CUBN: variants seen among roughly 807,000 people sequenced by gnomAD.
CUBN encodes the protein cubilin.
A neutral mutation model predicts 405.3 loss-of-function variants in CUBN; 282 were observed. The observed-to-expected ratio is 0.70, with a 90% CI of 0.63 to 0.77. The LOEUF (loss-of-function observed/expected upper bound fraction) is 0.77. Ranked by LOEUF, CUBN falls within the 30% of genes least tolerant of loss-of-function variation. The pLI is 0.00. For synonymous variants in CUBN, 1,684 were observed against 1,617.0 expected, an observed-to-expected ratio of 1.04 and a Z score of -0.99; for missense variants, 4,514 against 4,475.2, an observed-to-expected ratio of 1.01 and a Z score of -0.25.
At chr10:16,861,903 C>A (rs374384954) in intron 59 of CUBN, among the ~76,000 whole-genome samples, 16 of 152,092 alleles carry the variant, frequency 1.1e-4, no homozygotes, top group African/African-American at 3.9e-4. Context: ...GTAATCCCAG[C>A]ACTTTGGGAG....
At position 17,127,431 on chromosome 10, in the gene CUBN, ATTTT is replaced by A. The variant is rs71268608; in HGVS notation, c.348+394_348+397del. ...CAGGCTCATGCCACCATGCCCAGCTATTTTTTTTTTTTTTTTTTTTTTTGGTAGA... is the reference window on the plus strand; with the variant it reads ...CAGGCTCATGCCACCATGCCCAGCTATTTTTTTTTTTTTTTTTTTGGTAGA... On this transcript the variant is annotated intron_variant, in intron 3 of 66. Transcript: ENST00000377833. Among the ~76,000 whole-genome samples, 13 of 85,918 alleles carry A rather than the reference ATTTT, an allele frequency of 1.5e-4. No homozygotes were observed. The South Asian group carries it at 4.9e-3, about 32-fold the overall frequency. The allele number at this position is 85,918 out of a possible 152,430, so 56.4% of individuals were successfully genotyped here.
rs1262308808 is a variant in CUBN, at chr10:17,122,876, A to T, written c.512T>A (p.Val171Asp). 6.2e-7 allele frequency: 1 copy of T among 1,613,984 alleles called. No homozygotes were observed. Among genetic ancestry groups the T allele is most frequent in the African/African-American group, 1.3e-5 (1 of 75,032 alleles). Residue 171 changes from valine (V) to aspartate (D), a missense_variant, in exon 6 of 67, where the codon GTT becomes GAT. Val to Asp is a radical substitution (Grantham distance 152, BLOSUM62 -3). Around this residue, in one of 5 missense-constraint regions of CUBN, gnomAD observed 1,448 missense variants for 1,388.0 expected, o/e 1.04. Transcript: ENST00000377833. ...TCCTGAGTAAATCTCACATTCGTTA[A>T]CATCAGCTGAGCAGAGAGGACCCTG... Reference protein sequence around the residue: ...QWKGPLCSADVNECEIYSGTP... With the variant: ...QWKGPLCSADDNECEIYSGTP...
chr10:16,845,905 G>A (rs959521851), intron 60 of CUBN, among the ~76,000 whole-genome samples: 9 of 152,144 alleles, frequency 5.9e-5, no homozygotes, highest in African/African-American at 2.2e-4. Flanking sequence ...AAGTGTGGTG[G>A]TTTTTGGGTC....
intron 43 of CUBN, among the ~76,000 whole-genome samples, chr10:16,924,295 C>G (rs572475779): frequency 2.0e-5 from 3 of 152,224 alleles, no homozygotes; most frequent in Non-Finnish European, 4.4e-5. Context: ...GGCGCGGGTG[C>G]CCACAGAGCT....
intron 4 of CUBN, among the ~76,000 whole-genome samples, chr10:17,124,640 G>C (rs1367078675): frequency 1.3e-5 from 2 of 152,000 alleles, no homozygotes; most frequent in Admixed American, 6.6e-5. Flanking sequence ...GTGTTAGCCA[G>C]GATGGTCTCG....
rs1842591283 is a variant in CUBN at position 16,939,112 on chromosome 10, TC to T, written c.5583del (p.Val1863SerfsTer20). ...FGNDNIVGTHGKVASPFWPEN... is the reference protein window; with the variant it reads ...FGNDNIVGTHXKVASPFWPEN... ...TCAGGCCAGAAAGGAGAGGCGACTTTCCCATGAGTTCCCACAATATTATCAT... is the reference window on the plus strand; with the variant it reads ...TCAGGCCAGAAAGGAGAGGCGACTTTCCATGAGTTCCCACAATATTATCAT... On this transcript the variant is annotated frameshift_variant, in exon 38 of 67. Coordinates refer to ENST00000377833, the MANE Select transcript of CUBN (RefSeq NM_001081.4). LOFTEE classifies it high-confidence loss of function. The T allele has an allele frequency of 6.2e-7, 1 of 1,613,888 alleles. No individual in the cohort carries two copies. The highest frequency in any genetic ancestry group is 2.2e-5 in the East Asian group (1 of 44,860).
At chr10:16,982,795 C>T (rs1020796114) in intron 30 of CUBN, 142 bp from the exon 31 acceptor site, 5 of 755,808 alleles carry the variant, frequency 6.6e-6, no homozygotes, top group Non-Finnish European at 9.1e-6. Context: ...TTGATATCCA[C>T]ATTAAGCCAT....
chr10:17,089,421 G>T (rs368548502), intron 14 of CUBN, among the ~76,000 whole-genome samples: 66 of 152,186 alleles, frequency 4.3e-4, no homozygotes, highest in African/African-American at 1.6e-3. Context: ...AAAATATAAA[G>T]AACTTCTAAA....
chr10:16,937,340 G>A (rs1374638880), intron 39 of CUBN, among the ~76,000 whole-genome samples: 1 of 152,116 alleles, frequency 6.6e-6, no homozygotes, highest in Non-Finnish European at 1.5e-5. Context: ...GAAATTGTAA[G>A]TAGACGATCT....
intron 60 of CUBN, among the ~76,000 whole-genome samples, chr10:16,842,579 C>CCAAATATATA (rs1839385847): frequency 6.6e-6 from 1 of 152,176 alleles, no homozygotes; most frequent in Non-Finnish European, 1.5e-5. Context: ...AGGGCTCCAT[C>CCAAATATATA]TCCAGGTGAT....
At chr10:17,021,076 T>C (rs1190920825) in intron 27 of CUBN, among the ~76,000 whole-genome samples, 2 of 152,194 alleles carry the variant, frequency 1.3e-5, no homozygotes, top group South Asian at 2.1e-4. Context: ...CTTTTTGTAA[T>C]TGTCTTAACT....
At chr10:16,860,794 A>T (rs1226417904) in intron 59 of CUBN, among the ~76,000 whole-genome samples, 1 of 152,058 alleles carries the variant, frequency 6.6e-6, no homozygotes, top group Admixed American at 6.5e-5. Flanking sequence ...CTCTTTCTTT[A>T]TTTTCATGGT....
At chr10:16,830,838 G>A (rs1838965703) in intron 65 of CUBN, among the ~76,000 whole-genome samples, 2 of 152,182 alleles carry the variant, frequency 1.3e-5, no homozygotes, top group African/African-American at 2.4e-5. Flanking sequence ...GCTCATGCCT[G>A]TAATCCCAGC....
intron 28 of CUBN, among the ~76,000 whole-genome samples, chr10:17,005,381 A>C (rs1833988502): frequency 6.6e-6 from 1 of 152,238 alleles, no homozygotes; most frequent in Admixed American, 6.5e-5. Context: ...TGCTTTATAC[A>C]TTAAAGAGTA....
intron 31 of CUBN, among the ~76,000 whole-genome samples, chr10:16,957,919 C>CT (rs1408519242): frequency 6.7e-6 from 1 of 150,224 alleles, no homozygotes; most frequent in African/African-American, 2.4e-5. Context: ...AGAAAAAACT[C>CT]TAAGATTTTG....
intron 14 of CUBN, among the ~76,000 whole-genome samples, chr10:17,091,428 A>T (rs1193659360): frequency 6.6e-6 from 1 of 152,192 alleles, no homozygotes. Context: ...AGAGAAAATC[A>T]AGCATTTATC....
At chr10:16,836,844 A>T (rs1163363535) in intron 62 of CUBN, among the ~76,000 whole-genome samples, 1 of 152,076 alleles carries the variant, frequency 6.6e-6, no homozygotes, top group Non-Finnish European at 1.5e-5. Context: ...TACATCCCCC[A>T]AGCCAGCCGG....
intron 17 of CUBN, among the ~76,000 whole-genome samples, chr10:17,083,744 C>T (rs1836028157): frequency 2.6e-5 from 4 of 151,840 alleles, no homozygotes; most frequent in Admixed American, 2.0e-4. Flanking sequence ...ATGATTATGC[C>T]CAAAAAAACA....
intron 6 of CUBN, among the ~76,000 whole-genome samples, chr10:17,120,193 C>T (rs1018358213): frequency 6.6e-6 from 1 of 152,220 alleles, no homozygotes; most frequent in Non-Finnish European, 1.5e-5. Flanking sequence ...ACATAATTAA[C>T]AGAACTCAAG....
Sources: allele counts gnomAD v4.1 joint callset (sites outside exome capture counted in the v4.1 genomes callset), GRCh38; gene constraint gnomAD v4.1.1; regional missense constraint gnomAD v4.1.1; transcripts MANE v1.5; gene names NCBI Gene and HGNC (gene_info 2026-07-23, HGNC 2026-07-21).